Variants in CRYBG2 observed in about 807,000 individuals in gnomAD.
CRYBG2 encodes the protein crystallin beta-gamma domain containing 2.
CRYBG2 carries 106 observed loss-of-function variants against 153.4 expected under a neutral mutation model. The observed-to-expected ratio is 0.69, with a 90% CI of 0.59 to 0.81. CRYBG2 has a LOEUF of 0.81. Among genes scored for constraint, CRYBG2 ranks in the 30% least tolerant of loss-of-function variants. CRYBG2 has a pLI of 0.00. For synonymous variants in CRYBG2, 851 were observed against 877.8 expected, an observed-to-expected ratio of 0.97 and a Z score of 0.54; for missense variants, 1,996 against 2,112.0, an observed-to-expected ratio of 0.95 and a Z score of 1.08.
rs954790368 is a variant in CRYBG2 at position 26,324,420 on chromosome 1, T to C, written c.4579-110A>G. ...TATCAGGCTCCCAAGCCCTCCCTCC[T>C]GTCCCCAAACCTTCCTTGACTCTAT... On this transcript the variant is annotated intron_variant, in intron 17 of 19. Transcript: ENST00000308182. 5 of 1,238,388 alleles carry C rather than the reference T, an allele frequency of 4.0e-6. No individual in the cohort carries two copies. The African/African-American group carries it at 7.6e-5, about 19-fold the overall frequency. The allele number at this position is 1,238,388 out of a possible 1,614,324, so 76.7% of individuals were successfully genotyped here. A position where few individuals can be genotyped will look rare whatever the true frequency, so the allele number is the denominator to read the frequency against.
At position 26,337,297 on chromosome 1, in the gene CRYBG2, C is replaced by T. The variant is rs548196363; in HGVS notation, c.3727G>A (p.Gly1243Arg). 1.2e-6 allele frequency: 2 copies of T among 1,614,096 alleles called. No individual in the cohort carries two copies. Among genetic ancestry groups the T allele is most frequent in the African/African-American group, 1.3e-5 (1 of 75,010 alleles). Residue 1243 changes from glycine (G) to arginine (R), a missense_variant, in exon 10 of 20, where the codon GGA becomes AGA. Transcript: ENST00000308182. Reference protein sequence around the residue: ...EGEYPDWSHWGGYDELLTSLR... With the variant: ...EGEYPDWSHWRGYDELLTSLR... ...GAGGTCAGCAACTCGTCATAGCCTC[C>T]CCAGTGTGACCAGTCTGGGTATTCC...
intron 5 of CRYBG2, among the ~76,000 whole-genome samples, chr1:26,341,124 G>A (rs997857196): frequency 6.6e-6 from 1 of 151,842 alleles, no homozygotes; most frequent in African/African-American, 2.4e-5. Context: ...GGATCACGAG[G>A]TCAGGAGATC....
intron 5 of CRYBG2, among the ~76,000 whole-genome samples, chr1:26,341,078 C>T (rs2074123454): frequency 6.6e-6 from 1 of 152,020 alleles, no homozygotes; most frequent in Admixed American, 6.5e-5. Context: ...GTGGCTCACG[C>T]CTGTAATCCC....
intron 1 of CRYBG2, among the ~76,000 whole-genome samples, chr1:26,352,640 C>T (rs2074298815): frequency 6.6e-6 from 1 of 151,878 alleles, no homozygotes; most frequent in Non-Finnish European, 1.5e-5. Context: ...GGTCACCTGC[C>T]CCCCACTCTA....
Position 26,325,806 on chromosome 1 carries a change from G to A in CRYBG2, c.4579-1496C>T, listed in dbSNP as rs948777285. On this transcript the variant is annotated intron_variant, in intron 17 of 19. Transcript: ENST00000308182. This position sits in a 1 kb window ranked among gnomAD's most constrained non-coding sequence, Gnocchi z 4.1. ...TACTGATGTTCAGACATGCAGGCACGGACATACAGAAACACATATGCAGGC... is the reference window on the plus strand; with the variant it reads ...TACTGATGTTCAGACATGCAGGCACAGACATACAGAAACACATATGCAGGC... 2.0e-5 allele frequency among the ~76,000 whole-genome samples: 3 copies of A among 152,256 alleles called. No individual in the cohort carries two copies. The highest frequency in any genetic ancestry group is 2.1e-4 in the South Asian group (1 of 4,828).
chr1:26,349,658 T>G (rs1467794673), intron 1 of CRYBG2, among the ~76,000 whole-genome samples: 1 of 152,126 alleles, frequency 6.6e-6, no homozygotes, highest in African/African-American at 2.4e-5. Context: ...TGTTGAAACT[T>G]AATCCCCAAT....
chr1:26,331,438 A>C (rs2073995160), intron 15 of CRYBG2, 51 bp downstream of exon 15: 1 of 1,592,608 alleles, frequency 6.3e-7, no homozygotes, highest in Non-Finnish European at 8.6e-7. Flanking sequence ...GAAGTCCCAC[A>C]GCAGCAACTT....
chr1:26,347,214 CAGGG>C (rs1276768013), intron 1 of CRYBG2, among the ~76,000 whole-genome samples: 2 of 151,080 alleles, frequency 1.3e-5, no homozygotes, highest in Non-Finnish European at 2.9e-5. Flanking sequence ...GTTCAAGCAT[CAGGG>C]TCCTCAGCCA....
At chr1:26,330,783 C>T (rs1001574081) in intron 15 of CRYBG2, among the ~76,000 whole-genome samples, 8 of 152,104 alleles carry the variant, frequency 5.3e-5, no homozygotes, top group Non-Finnish European at 8.8e-5. Flanking sequence ...AGGTGATCCA[C>T]CCACCTCGGC....
intron 1 of CRYBG2, among the ~76,000 whole-genome samples, chr1:26,351,214 A>T (rs1054305130): frequency 1.3e-5 from 2 of 152,056 alleles, no homozygotes; most frequent in African/African-American, 4.8e-5. Context: ...TGTCCCCATT[A>T]GGGAGCTCCC....
Position 26,342,776 on chromosome 1 carries a change from C to G in CRYBG2, c.3182G>C (p.Gly1061Ala). 1 of 1,613,924 alleles carries G rather than the reference C, an allele frequency of 6.2e-7. No individual in the cohort carries two copies. The highest frequency in any genetic ancestry group is 8.5e-7 in the Non-Finnish European group (1 of 1,179,996). Residue 1061 changes from glycine to alanine, a missense_variant, in exon 5 of 20, where the codon GGC (glycine) becomes GCC (alanine). Gly to Ala is a moderately conservative substitution (Grantham distance 60). Transcript: ENST00000308182. The stretch of plus-strand genomic sequence containing the variant: ...CACCCAGACAACCCTCCTTAGGGAG[C>G]CGATGCCTTGGGGACTCCACTTTGT... ...PGTKWSPQGIGSLRRVVWDYS... is the reference protein window; with the variant it reads ...PGTKWSPQGIASLRRVVWDYS...
At chr1:26,328,997 T>G in intron 15 of CRYBG2, 124 bp from the exon 16 acceptor site, 1 of 1,191,742 alleles carries the variant, frequency 8.4e-7, no homozygotes, top group Non-Finnish European at 1.2e-6. Flanking sequence ...CTGAGCTCAG[T>G]TCTGCAGGGC....
In CRYBG2 at chr1:26,331,985, C is replaced by T. The variant is rs760856209; in HGVS notation, c.4185-367G>A. On this transcript the variant is annotated intron_variant, in intron 14 of 19. Transcript: ENST00000308182. ...AAAGGGGGGAAGCAGCCCAGATGTC[C>T]ATCAATAGGGGATTGGAGCTGAATA... Among the ~76,000 whole-genome samples the T allele has an allele frequency of 9.9e-5, 15 of 152,108 alleles. 1 individual carries two copies. Among genetic ancestry groups the T allele is most frequent in the Non-Finnish European group, 2.1e-4 (14 of 68,020 alleles).
rs186264725 is a variant in CRYBG2, at chr1:26,341,258, G to A, written c.3204+1496C>T. On this transcript the variant is annotated intron_variant, in intron 5 of 19. Transcript: ENST00000308182. ...TGGGAGGCTGAGGCAGGAGAATCGCGTGAACCCAGGAGGCGGAGGCTGCTG... is the reference window on the plus strand; with the variant it reads ...TGGGAGGCTGAGGCAGGAGAATCGCATGAACCCAGGAGGCGGAGGCTGCTG... 4.9e-3 allele frequency among the ~76,000 whole-genome samples: 739 copies of A among 151,468 alleles called. 7 individuals are homozygous for A. Among genetic ancestry groups the A allele is most frequent in the African/African-American group, 0.017 (697 of 41,370 alleles).
chr1:26,339,456 A>G, intron 5 of CRYBG2, 27 bp from the exon 6 acceptor site: 13 of 1,612,264 alleles, frequency 8.1e-6, no homozygotes, highest in Non-Finnish European at 1.1e-5. Flanking sequence ...AAAATTAAAT[A>G]TAGATAAACA....
chr1:26,334,793 G>C (rs987250403), intron 14 of CRYBG2, among the ~76,000 whole-genome samples: 18 of 151,914 alleles, frequency 1.2e-4, no homozygotes, highest in East Asian at 7.9e-4. Flanking sequence ...CGTGGTGGCG[G>C]GTGCCTGTAA....
chr1:26,342,782 C>T lies in CRYBG2; in HGVS notation c.3176G>A (p.Gly1059Asp), dbSNP rs147918435. The change falls in exon 5 of 20, where the codon GGC (glycine) becomes GAC (aspartate). Residue 1059 changes from glycine to aspartate, a missense_variant. Physicochemically the swap from Gly to Asp is moderately conservative, Grantham distance 94 (BLOSUM62 -1). Transcript: ENST00000308182. ...RTPGTKWSPQ[G>D]IGSLRRVVWD... ...GACAACCCTCCTTAGGGAGCCGATG[C>T]CTTGGGGACTCCACTTTGTCCCTGG... 4 of 1,614,046 alleles carry T rather than the reference C, an allele frequency of 2.5e-6. No homozygotes were observed. Among genetic ancestry groups the T allele is most frequent in the Non-Finnish European group, 3.4e-6 (4 of 1,180,020 alleles).
chr1:26,322,091 T>C (rs2073864750), intron 19 of CRYBG2, 35 bp from the exon 20 acceptor site: 6 of 1,599,202 alleles, frequency 3.8e-6, no homozygotes, highest in Non-Finnish European at 3.4e-6. Flanking sequence ...GATAGGGAGA[T>C]AGTCAGAGAG....
Position 26,336,539 on chromosome 1 carries a change from G to T in CRYBG2, c.4038+67C>A. The T allele has an allele frequency of 6.5e-7, 1 of 1,540,298 alleles. No homozygotes were observed. On this transcript the variant is annotated intron_variant, in intron 12 of 19. Transcript: ENST00000308182. This position sits in a 1 kb window ranked among gnomAD's most constrained non-coding sequence, Gnocchi z 4.9. ...CTCCAGCCCGCTACCTCTGCGTGGGGGCGGGGCGCACCCGAACTCCAGGTC... is the reference window on the plus strand; with the variant it reads ...CTCCAGCCCGCTACCTCTGCGTGGGTGCGGGGCGCACCCGAACTCCAGGTC...
Sources: allele counts gnomAD v4.1 joint callset (sites outside exome capture counted in the v4.1 genomes callset), GRCh38; gene constraint gnomAD v4.1.1; non-coding constraint Gnocchi (gnomAD v3.1); transcripts MANE v1.5; gene names NCBI Gene and HGNC (gene_info 2026-07-23, HGNC 2026-07-21).